Variants in MBTD1 observed in about 807,000 individuals in gnomAD.
The protein encoded by MBTD1 is mbt domain containing 1, also known as MBT domain-containing protein 1.
A neutral mutation model predicts 87.8 loss-of-function variants in MBTD1; 24 were observed. The observed-to-expected ratio is 0.27, with a 90% CI of 0.20 to 0.38. The LOEUF (loss-of-function observed/expected upper bound fraction) is 0.38, where lower values mean the gene tolerates loss of function less well. Among genes scored for constraint, MBTD1 ranks in the 10% least tolerant of loss-of-function variants. The pLI is 1.00. For missense variants in MBTD1, 436 were observed against 760.2 expected (o/e 0.57, Z 5.02); for synonymous variants, 237 against 248.6 (o/e 0.95, Z 0.44).
chr17:51,248,752 C>T (rs2054600393), intron 2 of MBTD1, among the ~76,000 whole-genome samples: 1 of 152,174 alleles, frequency 6.6e-6, no homozygotes, highest in South Asian at 2.1e-4. Flanking sequence ...ACCCTTTCTT[C>T]ATCCAGATTT....
chr17:51,245,675 G>C (rs1347019196), intron 2 of MBTD1, among the ~76,000 whole-genome samples: 1 of 151,882 alleles, frequency 6.6e-6, no homozygotes, highest in East Asian at 1.9e-4. Flanking sequence ...GTTTCCATAT[G>C]TAGTTGTGTC....
intron 6 of MBTD1, among the ~76,000 whole-genome samples, chr17:51,212,768 A>C (rs1227394491): frequency 6.6e-6 from 1 of 152,128 alleles, no homozygotes; most frequent in Non-Finnish European, 1.5e-5. Flanking sequence ...TTATCTATTT[A>C]TTTTTGAGAT....
chr17:51,210,414 C>A (rs1388682399), intron 6 of MBTD1, among the ~76,000 whole-genome samples: 1 of 152,002 alleles, frequency 6.6e-6, no homozygotes, highest in Non-Finnish European at 1.5e-5. Flanking sequence ...AAGATTAAGG[C>A]TGAGATAATG....
chr17:51,257,755 T>G (rs1470555544), intron 2 of MBTD1, among the ~76,000 whole-genome samples: 2 of 152,208 alleles, frequency 1.3e-5, no homozygotes, highest in Non-Finnish European at 2.9e-5. Context: ...TTAAAAACAC[T>G]ATTATTACAC....
chr17:51,220,408 T>C lies in MBTD1; in HGVS notation c.210A>G (p.Thr70=), dbSNP rs117444978. 2.1e-4 allele frequency: 318 copies of C among 1,550,140 alleles called. 1 individual carries two copies. The East Asian group carries it at 7.6e-3, about 37-fold the overall frequency. The change falls in exon 4 of 17, where the codon ACA becomes ACG. Residue 70 remains threonine (T), a synonymous_variant. Coordinates refer to ENST00000586178, the MANE Select transcript of MBTD1 (RefSeq NM_017643.3). The part of the protein sequence containing the change: ...VGVRDAFYSK[T]KRFCSVSCSR... ...AACATGAAACGCTACAGAAACGCTTTGTTTTAGAGTAAAAAGCATCTCGGA... is the reference window on the plus strand; with the variant it reads ...AACATGAAACGCTACAGAAACGCTTCGTTTTAGAGTAAAAAGCATCTCGGA...
intron 2 of MBTD1, among the ~76,000 whole-genome samples, chr17:51,235,716 T>C (rs1397193236): frequency 3.3e-5 from 5 of 152,146 alleles, no homozygotes; most frequent in Non-Finnish European, 7.4e-5. Flanking sequence ...TTAACATTAT[T>C]AAAATGTCAG....
At chr17:51,248,603 A>C (rs902686821) in intron 2 of MBTD1, among the ~76,000 whole-genome samples, 1 of 152,220 alleles carries the variant, frequency 6.6e-6, no homozygotes, top group Admixed American at 6.5e-5. Context: ...TTAAGATTTT[A>C]TATAAATGGC....
chr17:51,254,134 G>A (rs1416224864), intron 2 of MBTD1, among the ~76,000 whole-genome samples: 1 of 152,098 alleles, frequency 6.6e-6, no homozygotes, highest in Non-Finnish European at 1.5e-5. Flanking sequence ...AAATTTGAAT[G>A]TTGTATGCAT....
chr17:51,185,653 TTC>T (rs1157693740), intron 16 of MBTD1: 2 of 152,206 alleles, frequency 1.3e-5, no homozygotes, highest in East Asian at 1.9e-4. Flanking sequence ...AGCCTCGTTT[TTC>T]TGTTTTTTTA....
At chr17:51,186,341 G>C (rs2050532646) in intron 16 of MBTD1, 1 of 152,270 alleles carries the variant, frequency 6.6e-6, no homozygotes, top group Non-Finnish European at 1.5e-5. Flanking sequence ...TGCAAAGTTT[G>C]TATTTCTGAA....
At chr17:51,245,460 A>C (rs1259039170) in intron 2 of MBTD1, among the ~76,000 whole-genome samples, 1 of 152,132 alleles carries the variant, frequency 6.6e-6, no homozygotes, top group Non-Finnish European at 1.5e-5. Context: ...TTCCTGAAGC[A>C]TGGTACAGAA....
intron 2 of MBTD1, among the ~76,000 whole-genome samples, chr17:51,237,827 C>A (rs1015017705): frequency 6.6e-6 from 1 of 152,148 alleles, no homozygotes; most frequent in Non-Finnish European, 1.5e-5. Context: ...TATACCCATA[C>A]AAAGACATAA....
chr17:51,258,443 G>A (rs1410199892), intron 2 of MBTD1, among the ~76,000 whole-genome samples: 1 of 151,658 alleles, frequency 6.6e-6, no homozygotes, highest in African/African-American at 2.4e-5. Context: ...TAAAAATATT[G>A]TAAACTCTAA....
At chr17:51,199,255 C>A (rs1185683669) in intron 12 of MBTD1, among the ~76,000 whole-genome samples, 1 of 150,622 alleles carries the variant, frequency 6.6e-6, no homozygotes, top group Non-Finnish European at 1.5e-5. Context: ...TGGCCCCAGG[C>A]CCAGCTAATT....
chr17:51,212,761 T>A (rs1302062094), intron 6 of MBTD1, among the ~76,000 whole-genome samples: 1 of 152,214 alleles, frequency 6.6e-6, no homozygotes, highest in Non-Finnish European at 1.5e-5. Flanking sequence ...AATTTATTTA[T>A]CTATTTATTT....
At chr17:51,252,687 T>C (rs530040921) in intron 2 of MBTD1, among the ~76,000 whole-genome samples, 15 of 152,036 alleles carry the variant, frequency 9.9e-5, no homozygotes, top group African/African-American at 3.6e-4. Flanking sequence ...AGAGCCAAGA[T>C]TGAGCTACTG....
intron 16 of MBTD1, among the ~76,000 whole-genome samples, chr17:51,181,735 TAGG>T (rs1167682359): frequency 6.6e-6 from 1 of 152,180 alleles, no homozygotes; most frequent in African/African-American, 2.4e-5. Context: ...CCCAGCTATG[TAGG>T]AGGACAAGGC....
At position 51,179,492 on chromosome 17, in the gene MBTD1, A is replaced by ATATATATATATATTTT. The variant is rs2050210676; in HGVS notation, c.*1083_*1084insAAAATATATATATATA. The ATATATATATATATTTT allele has an allele frequency of 9.7e-5, 3 of 30,972 alleles. 1 individual carries two copies. The highest frequency in any genetic ancestry group is 2.0e-4 in the Non-Finnish European group (3 of 15,042). The allele number at this position is 30,972 out of a possible 1,614,324, so 1.9% of individuals were successfully genotyped here. The stretch of plus-strand genomic sequence containing the variant: ...TACAATTAAAGACAATTTTATATAT[A>ATATATATATATATTTT]TATATATATATATATATATATATAT... On this transcript the variant is annotated 3_prime_UTR_variant, in exon 17 of 17. Coordinates refer to ENST00000586178, the MANE Select transcript of MBTD1 (RefSeq NM_017643.3).
At chr17:51,245,827 T>G (rs996074638) in intron 2 of MBTD1, among the ~76,000 whole-genome samples, 2 of 152,190 alleles carry the variant, frequency 1.3e-5, no homozygotes, top group Non-Finnish European at 2.9e-5. Flanking sequence ...TTTACATTCT[T>G]GCATGTTTAT....
Sources: gnomAD v4.1 joint callset for allele counts (sites outside exome capture counted in the v4.1 genomes callset) on GRCh38, gnomAD v4.1.1 for gene constraint, MANE v1.5 for transcripts, NCBI Gene and HGNC (gene_info 2026-07-23, HGNC 2026-07-21) for gene names.